The following LMBR1 variants were observed in gnomAD, a reference collection of about 807,000 sequenced individuals.
LMBR1 encodes limb development membrane protein 1, also known as limb region 1 protein homolog.
Under a neutral mutation model 73.9 loss-of-function variants are expected in LMBR1, and 52 were observed. The ratio of observed to expected loss-of-function variants is 0.70; its 90% CI spans 0.56 to 0.89. The LOEUF is 0.89. Ranked by LOEUF, LMBR1 falls within the 40% of genes least tolerant of loss-of-function variation. The pLI, the probability that LMBR1 is intolerant of heterozygous loss-of-function variation, is 0.00. For missense variants in LMBR1, 539 were observed against 579.8 expected (o/e 0.93, Z 0.72); for synonymous variants, 215 against 209.4 (o/e 1.03, Z -0.23).
chr7:156,825,450 C>T (rs1835507038), intron 4 of LMBR1, among the ~76,000 whole-genome samples: 1 of 152,082 alleles, frequency 6.6e-6, no homozygotes, highest in African/African-American at 2.4e-5. Flanking sequence ...AAAATCTTAA[C>T]AAAGAATAAA....
At chr7:156,742,593 T>C (rs1449365592) in intron 9 of LMBR1, among the ~76,000 whole-genome samples, 1 of 152,048 alleles carries the variant, frequency 6.6e-6, no homozygotes, top group Non-Finnish European at 1.5e-5. Flanking sequence ...AGACCATTAA[T>C]AAGTAACGAG....
intron 1 of LMBR1, among the ~76,000 whole-genome samples, chr7:156,842,340 CA>C (rs1838863782): frequency 7.5e-6 from 1 of 133,842 alleles, no homozygotes; most frequent in South Asian, 2.4e-4. Context: ...GAGATTTGTA[CA>C]GGGGGAAGCG....
intron 1 of LMBR1, among the ~76,000 whole-genome samples, chr7:156,845,231 AG>A (rs2134011984): frequency 6.6e-6 from 1 of 152,306 alleles, no homozygotes; most frequent in Non-Finnish European, 1.5e-5. Context: ...ATCCTGAGAG[AG>A]AAAGCAAGTG....
At chr7:156,891,233 TACACACAC>T (rs68193998) in intron 1 of LMBR1, among the ~76,000 whole-genome samples, 30 of 68,850 alleles carry the variant, frequency 4.4e-4, no homozygotes, top group African/African-American at 1.4e-3. Context: ...TATATATATA[TACACACAC>T]ACACACACAC....
chr7:156,877,870 G>A (rs368896674), intron 1 of LMBR1, among the ~76,000 whole-genome samples: 59 of 139,050 alleles, frequency 4.2e-4, no homozygotes, highest in African/African-American at 1.5e-3. Context: ...GCGACAGAGC[G>A]AGACTCCACT....
chr7:156,865,240 C>CAGGCTGT (rs1798289416), intron 1 of LMBR1, among the ~76,000 whole-genome samples: 1 of 151,898 alleles, frequency 6.6e-6, no homozygotes, highest in Non-Finnish European at 1.5e-5. Flanking sequence ...CTAGGGGTTT[C>CAGGCTGT]AGGCTGCAGT....
At chr7:156,699,537 A>C (rs1417492668) in intron 15 of LMBR1, among the ~76,000 whole-genome samples, 7 of 151,964 alleles carry the variant, frequency 4.6e-5, no homozygotes, top group Non-Finnish European at 2.9e-5. Context: ...ATGGCAACAA[A>C]AGCCAAAATT....
intron 1 of LMBR1, among the ~76,000 whole-genome samples, chr7:156,845,911 GA>G (rs1328976015): frequency 2.0e-5 from 3 of 150,986 alleles, no homozygotes; most frequent in Non-Finnish European, 4.4e-5. Context: ...ACCACAATGG[GA>G]AAAGAACTGT....
In LMBR1 at chr7:156,893,107, G is replaced by C. The variant is rs1325463763; in HGVS notation, c.-114C>G. The C allele has an allele frequency of 9.0e-7, 1 of 1,110,858 alleles. No individual in the cohort carries two copies. Among genetic ancestry groups the C allele is most frequent in the African/African-American group, 1.7e-5 (1 of 60,600 alleles). The allele number at this position is 1,110,858 out of a possible 1,614,324, so 68.8% of individuals were successfully genotyped here. ...CGGGGACCGGAGCCGGCACGGGCCC[G>C]CGAGCCGTGTTGGAACAGGTACCGC... On this transcript the variant is annotated 5_prime_UTR_variant, in exon 1 of 17. Coordinates refer to ENST00000353442, the MANE Select transcript of LMBR1 (RefSeq NM_022458.4).
At chr7:156,763,526 A>G in intron 6 of LMBR1, 143 bp downstream of exon 6, 1 of 633,316 alleles carries the variant, frequency 1.6e-6, no homozygotes, top group Non-Finnish European at 2.4e-6. Flanking sequence ...AAAAATATCT[A>G]AAGATTTCTT....
chr7:156,797,614 A>G (rs1188762939), intron 4 of LMBR1, among the ~76,000 whole-genome samples: 1 of 152,238 alleles, frequency 6.6e-6, no homozygotes, highest in Non-Finnish European at 1.5e-5. Context: ...CACAGGGAGC[A>G]GAGCCGTCCC....
intron 1 of LMBR1, among the ~76,000 whole-genome samples, chr7:156,838,717 C>A (rs202097782): frequency 8.3e-6 from 1 of 121,064 alleles, no homozygotes; most frequent in African/African-American, 2.6e-5. Flanking sequence ...GATTTCATTT[C>A]TTTTGGATAT....
At position 156,833,796 on chromosome 7, in the gene LMBR1, C is replaced by T; in HGVS notation, c.140-4G>A. 6.3e-7 allele frequency: 1 copy of T among 1,581,976 alleles called. No homozygotes were observed. Among genetic ancestry groups the T allele is most frequent in the East Asian group, 2.3e-5 (1 of 43,752 alleles). The stretch of plus-strand genomic sequence containing the variant: ...GCATCTTCATCTTCTTGTTCATCTG[C>T]AAAAATGTTTAAGGTATTAATATTC... On this transcript the variant is annotated splice_region_variant and splice_polypyrimidine_tract_variant and intron_variant, in intron 2 of 16. Transcript: ENST00000353442.
chr7:156,749,354 T>C (rs1414717815), intron 9 of LMBR1, among the ~76,000 whole-genome samples: 1 of 152,198 alleles, frequency 6.6e-6, no homozygotes, highest in Non-Finnish European at 1.5e-5. Flanking sequence ...AAAATGTCTC[T>C]GACAGACTAC....
intron 15 of LMBR1, among the ~76,000 whole-genome samples, chr7:156,694,731 T>A (rs1191389445): frequency 6.6e-6 from 1 of 152,062 alleles, no homozygotes; most frequent in Non-Finnish European, 1.5e-5. Context: ...AATTACAGGT[T>A]ACAAAATCAA....
chr7:156,763,137 A>G lies in LMBR1; in HGVS notation c.590T>C (p.Ile197Thr). The change falls in exon 7 of 17, where the codon ATA becomes ACA. Residue 197 changes from isoleucine to threonine, a missense_variant. Around this residue, in one of 3 missense-constraint regions of LMBR1, gnomAD observed 454 missense variants for 473.4 expected, o/e 0.96. Coordinates refer to ENST00000353442, the MANE Select transcript of LMBR1 (RefSeq NM_022458.4). The part of the protein sequence containing the change: ...EFYLPYLYSC[I>T]SLMGCLLLLL... ...AAGTAACAAACATCCCATCAATGAT[A>G]TACAGGAATATAAATAGGGTAGATA... The G allele has an allele frequency of 7.1e-7, 1 of 1,410,578 alleles. No homozygotes were observed. The highest frequency in any genetic ancestry group is 9.9e-7 in the Non-Finnish European group (1 of 1,014,760). The allele number at this position is 1,410,578 out of a possible 1,614,324, so 87.4% of individuals were successfully genotyped here.
rs192630869 is a variant in LMBR1 at position 156,731,922 on chromosome 7, T to A, written c.838+2255A>T. On this transcript the variant is annotated intron_variant, in intron 10 of 16. Transcript: ENST00000353442. The stretch of plus-strand genomic sequence containing the variant: ...TGATCTTGTAATTCCATATCTAGTA[T>A]GTACCCTGAAAAAACATATATACCA... Among the ~76,000 whole-genome samples, 42 of 150,656 alleles carry A rather than the reference T, an allele frequency of 2.8e-4. 1 individual carries two copies. The highest frequency in any genetic ancestry group is 9.3e-4 in the African/African-American group (38 of 40,856).
Position 156,866,605 on chromosome 7 carries a change from A to AT in LMBR1, c.66+26322dup, listed in dbSNP as rs112143582. Reference sequence around the variant, plus strand: ...AATTTCTTATGAGTTTTTTCTGGGGATTTTTTTTTTTTTTTAATGAGACAT... The same window carrying AT: ...AATTTCTTATGAGTTTTTTCTGGGGATTTTTTTTTTTTTTTTAATGAGACAT... On this transcript the variant is annotated intron_variant, in intron 1 of 16. Coordinates refer to ENST00000353442, the MANE Select transcript of LMBR1 (RefSeq NM_022458.4). 8.9e-3 allele frequency among the ~76,000 whole-genome samples: 1,226 copies of AT among 137,670 alleles called. 12 individuals carry two copies. The highest frequency in any genetic ancestry group is 0.024 in the African/African-American group (907 of 37,222). 90.3% of individuals were successfully genotyped at this position (137,670 alleles called of 152,430 possible).
intron 15 of LMBR1, among the ~76,000 whole-genome samples, chr7:156,709,553 C>T (rs750188506): frequency 3.3e-5 from 5 of 152,172 alleles, no homozygotes; most frequent in African/African-American, 9.7e-5. Context: ...GGCATTCCCC[C>T]GCACCATCCC....
Sources: allele counts gnomAD v4.1 joint callset (sites outside exome capture counted in the v4.1 genomes callset), GRCh38; gene constraint gnomAD v4.1.1; regional missense constraint gnomAD v4.1.1; transcripts MANE v1.5; gene names NCBI Gene and HGNC (gene_info 2026-07-23, HGNC 2026-07-21).